The following CSMD1 variants were observed in gnomAD, a reference collection of about 807,000 sequenced individuals.
CSMD1 encodes CUB and sushi domain-containing protein 1.
CSMD1 carries 213 observed loss-of-function variants against 417.5 expected under a neutral mutation model. The ratio of observed to expected loss-of-function variants is 0.51; its 90% CI spans 0.46 to 0.57. CSMD1 has a LOEUF of 0.57. CSMD1 is among the 20% of genes least tolerant of loss of function. The pLI, the probability that CSMD1 is intolerant of heterozygous loss-of-function variation, is 0.00. For missense variants in CSMD1, 6,923 were observed against 4,529.7 expected, an observed-to-expected ratio of 1.53 and a Z score of -15.17; for synonymous variants, 2,862 against 1,736.8, an observed-to-expected ratio of 1.65 and a Z score of -16.11.
intron 2 of CSMD1, among the ~76,000 whole-genome samples, chr8:4,441,339 C>T (rs1046990521): frequency 3.5e-5 from 5 of 143,732 alleles, no homozygotes. Flanking sequence ...TTTTAAACAG[C>T]TGGCCCCAAG....
At chr8:3,845,513 C>T (rs555772226) in intron 5 of CSMD1, among the ~76,000 whole-genome samples, 5 of 152,110 alleles carry the variant, frequency 3.3e-5, no homozygotes, top group Non-Finnish European at 5.9e-5. Flanking sequence ...AGGGTACTTG[C>T]CATGAATGGA....
At chr8:3,846,724 C>G (rs990718999) in intron 5 of CSMD1, among the ~76,000 whole-genome samples, 3 of 152,106 alleles carry the variant, frequency 2.0e-5, no homozygotes, top group African/African-American at 7.2e-5. Flanking sequence ...GTGGTGCAAC[C>G]TTGACTCACT....
At chr8:3,029,556 GA>G in intron 50 of CSMD1, 43 bp from the exon 51 acceptor site, 1 of 1,514,140 alleles carries the variant, frequency 6.6e-7, no homozygotes, top group South Asian at 1.2e-5. Context: ...TTCTTTTTTG[GA>G]AAACATCAGA....
chr8:4,935,268 C>A (rs992417121), intron 1 of CSMD1, among the ~76,000 whole-genome samples: 2 of 152,172 alleles, frequency 1.3e-5, no homozygotes, highest in African/African-American at 4.8e-5. Context: ...AGTTAGATAT[C>A]CTCAACCTGA....
At chr8:4,236,057 T>C (rs140126445) in intron 3 of CSMD1, among the ~76,000 whole-genome samples, 1 of 47,932 alleles carries the variant, frequency 2.1e-5, no homozygotes, top group African/African-American at 5.0e-5. Flanking sequence ...TTTTTTTTTT[T>C]TTTTTTTTTT....
chr8:3,517,432 C>CCAACCTAT (rs1375434312), intron 10 of CSMD1, among the ~76,000 whole-genome samples: 2 of 152,130 alleles, frequency 1.3e-5, no homozygotes, highest in Non-Finnish European at 2.9e-5. Flanking sequence ...CCTCTACACT[C>CCAACCTAT]CAACCTATGC....
At chr8:4,912,176 G>C (rs1248811636) in intron 1 of CSMD1, among the ~76,000 whole-genome samples, 3 of 107,122 alleles carry the variant, frequency 2.8e-5, no homozygotes, top group African/African-American at 3.3e-5. Context: ...AAAAGAAAAA[G>C]ACAATGCATA....
intron 5 of CSMD1, among the ~76,000 whole-genome samples, chr8:3,891,716 A>G (rs552766780): frequency 6.6e-6 from 1 of 152,198 alleles, no homozygotes; most frequent in Admixed American, 6.5e-5. Context: ...TCAGTCTCCT[A>G]ACACTAGTCT....
chr8:4,154,946 G>T (rs985187870), intron 3 of CSMD1, among the ~76,000 whole-genome samples: 1 of 152,130 alleles, frequency 6.6e-6, no homozygotes, highest in South Asian at 2.1e-4. Flanking sequence ...AATACAAAAT[G>T]TTATATTGAA....
intron 5 of CSMD1, among the ~76,000 whole-genome samples, chr8:3,922,963 T>C (rs1051762901): frequency 4.6e-5 from 7 of 152,180 alleles, no homozygotes; most frequent in Non-Finnish European, 1.0e-4. Flanking sequence ...CCTTGAGGTG[T>C]TCATCCAGGG....
chr8:4,025,723 A>G (rs781782049), intron 4 of CSMD1, among the ~76,000 whole-genome samples: 4 of 152,138 alleles, frequency 2.6e-5, no homozygotes, highest in Non-Finnish European at 5.9e-5. Context: ...AAGAAAAATG[A>G]ATTTTGAGGT....
chr8:4,033,013 T>C (rs1191644252), intron 3 of CSMD1, among the ~76,000 whole-genome samples: 3 of 151,878 alleles, frequency 2.0e-5, no homozygotes. Context: ...CCTGGAGGCT[T>C]TGTATGCATG....
At chr8:4,334,042 CACA>C (rs1800021972) in intron 3 of CSMD1, among the ~76,000 whole-genome samples, 1 of 151,982 alleles carries the variant, frequency 6.6e-6, no homozygotes, top group Admixed American at 6.6e-5. Flanking sequence ...AGGCACCCAC[CACA>C]ACATCGTTTC....
chr8:3,924,970 T>C (rs1446386609), intron 5 of CSMD1, among the ~76,000 whole-genome samples: 1 of 152,192 alleles, frequency 6.6e-6, no homozygotes, highest in Non-Finnish European at 1.5e-5. Context: ...TTCTTAGCAT[T>C]TGAAGCAGTA....
At chr8:3,008,305 C>T (rs761987957) in intron 52 of CSMD1, among the ~76,000 whole-genome samples, 3 of 152,162 alleles carry the variant, frequency 2.0e-5, no homozygotes, top group Admixed American at 6.5e-5. Flanking sequence ...TCAGTTGAGT[C>T]TGAGGTTCAT....
In CSMD1 at chr8:4,717,303, C is replaced by G. The variant is rs1328248511; in HGVS notation, c.86-79745G>C. On this transcript the variant is annotated intron_variant, in intron 1 of 69. Transcript: ENST00000635120. ...TCTCTGACCCTGCCCTTCTCTCTCT[C>G]TCTCTCCATATATATATATATATAC... Among the ~76,000 whole-genome samples the G allele has an allele frequency of 2.7e-5, 3 of 112,026 alleles. No individual in the cohort carries two copies. In the East Asian group the frequency reaches 7.7e-4, roughly 29 times the overall value. 73.5% of individuals were successfully genotyped at this position (112,026 alleles called of 152,430 possible).
At chr8:3,933,836 C>T (rs746616760) in intron 5 of CSMD1, among the ~76,000 whole-genome samples, 3 of 152,124 alleles carry the variant, frequency 2.0e-5, no homozygotes, top group Non-Finnish European at 4.4e-5. Context: ...CCAACATGGA[C>T]ATACTGCTGT....
intron 10 of CSMD1, among the ~76,000 whole-genome samples, chr8:3,531,192 T>C (rs1005340702): frequency 7.2e-5 from 11 of 152,138 alleles, no homozygotes; most frequent in African/African-American, 2.2e-4. Flanking sequence ...GCATAATTTC[T>C]GGAGATTCAC....
chr8:3,276,110 G>T (rs902767581), intron 26 of CSMD1, among the ~76,000 whole-genome samples: 4 of 152,128 alleles, frequency 2.6e-5, no homozygotes, highest in Admixed American at 1.3e-4. Context: ...GGTTTTTGGT[G>T]TGGATGTCAT....
Sources: allele counts gnomAD v4.1 joint callset (sites outside exome capture counted in the v4.1 genomes callset), GRCh38; gene constraint gnomAD v4.1.1; transcripts MANE v1.5; gene names NCBI Gene and HGNC (gene_info 2026-07-23, HGNC 2026-07-21).